Variants in FRMD3 observed in about 807,000 individuals in gnomAD.
FRMD3 encodes FERM domain containing 3.
Under a neutral mutation model 70.2 loss-of-function variants are expected in FRMD3, and 33 were observed. The ratio of observed to expected loss-of-function variants is 0.47; its 90% CI spans 0.36 to 0.63. The LOEUF (loss-of-function observed/expected upper bound fraction) is 0.63, where lower values mean the gene tolerates loss of function less well. Ranked by LOEUF, FRMD3 falls within the 20% of genes least tolerant of loss-of-function variation. FRMD3 has a pLI of 0.00. For synonymous variants in FRMD3, 279 were observed against 255.9 expected (o/e 1.09, Z -0.86); for missense variants, 632 against 711.4 (o/e 0.89, Z 1.27).
At position 83,245,813 on chromosome 9, in the gene FRMD3, C is replaced by A; in HGVS notation, c.*2105G>T. On this transcript the variant is annotated 3_prime_UTR_variant, in exon 14 of 14. Transcript: ENST00000304195. ...ATGTCAGAAAGGATGACTTAGAAGT[C>A]GTATGAGAAAAGAAGGAGAAAAACA... 5 of 985,076 alleles carry A rather than the reference C, an allele frequency of 5.1e-6. No homozygotes were observed. Among genetic ancestry groups the A allele is most frequent in the Non-Finnish European group, 6.0e-6 (5 of 829,780 alleles). The allele number at this position is 985,076 out of a possible 1,614,324, so 61.0% of individuals were successfully genotyped here.
At chr9:83,487,209 G>A (rs1180927148) in intron 1 of FRMD3, among the ~76,000 whole-genome samples, 3 of 152,154 alleles carry the variant, frequency 2.0e-5, no homozygotes, top group Non-Finnish European at 2.9e-5. Flanking sequence ...AAACCTGTGT[G>A]GGAAAAATAC....
intron 6 of FRMD3, among the ~76,000 whole-genome samples, chr9:83,314,364 CTA>C (rs1285059657): frequency 6.6e-6 from 1 of 152,196 alleles, no homozygotes; most frequent in Non-Finnish European, 1.5e-5. Context: ...TAAAGAAAGA[CTA>C]TGCAACATTT....
intron 1 of FRMD3, among the ~76,000 whole-genome samples, chr9:83,486,454 T>C (rs1403580540): frequency 6.6e-6 from 1 of 152,170 alleles, no homozygotes; most frequent in Non-Finnish European, 1.5e-5. Context: ...GCCCATCACA[T>C]CAGTTTATGT....
intron 1 of FRMD3, among the ~76,000 whole-genome samples, chr9:83,426,384 C>A (rs1826812017): frequency 6.6e-6 from 1 of 152,240 alleles, no homozygotes; most frequent in Non-Finnish European, 1.5e-5. Flanking sequence ...GGCACAATTC[C>A]TGTTCTCAAG....
chr9:83,511,880 C>A (rs1455294174), intron 1 of FRMD3, among the ~76,000 whole-genome samples: 1 of 152,190 alleles, frequency 6.6e-6, no homozygotes, highest in African/African-American at 2.4e-5. Flanking sequence ...CCCGACTGTC[C>A]AGCACTCACC....
chr9:83,303,871 T>A (rs1477731397), intron 10 of FRMD3, among the ~76,000 whole-genome samples: 1 of 152,204 alleles, frequency 6.6e-6, no homozygotes, highest in East Asian at 1.9e-4. Context: ...GTCACTGCAA[T>A]GGGTATTGGC....
intron 1 of FRMD3, among the ~76,000 whole-genome samples, chr9:83,409,099 G>T (rs937515323): frequency 6.6e-6 from 1 of 152,172 alleles, no homozygotes; most frequent in Admixed American, 6.5e-5. Flanking sequence ...GAAAGCAAAG[G>T]TTGTCCATCC....
chr9:83,451,339 A>T (rs1166546142), intron 1 of FRMD3, among the ~76,000 whole-genome samples: 2 of 151,140 alleles, frequency 1.3e-5, no homozygotes, highest in Non-Finnish European at 3.0e-5. Context: ...TAGAAATGTT[A>T]AACTGCCCCA....
chr9:83,478,895 T>C (rs534347428), intron 1 of FRMD3, among the ~76,000 whole-genome samples: 1 of 152,294 alleles, frequency 6.6e-6, no homozygotes, highest in Admixed American at 6.5e-5. Flanking sequence ...GCATATTATG[T>C]TGTAATTATT....
chr9:83,415,493 A>C (rs1462188984), intron 1 of FRMD3, among the ~76,000 whole-genome samples: 1 of 138,466 alleles, frequency 7.2e-6, no homozygotes, highest in Non-Finnish European at 1.5e-5. Flanking sequence ...CCCAGGCTGG[A>C]GTGCAGTGGC....
At chr9:83,339,421 G>T (rs952577644) in intron 5 of FRMD3, among the ~76,000 whole-genome samples, 5 of 152,156 alleles carry the variant, frequency 3.3e-5, no homozygotes, top group Non-Finnish European at 7.4e-5. Flanking sequence ...TACAACTGGA[G>T]GCCCTGCGGT....
At chr9:83,487,617 G>C (rs1343174930) in intron 1 of FRMD3, among the ~76,000 whole-genome samples, 1 of 152,226 alleles carries the variant, frequency 6.6e-6, no homozygotes, top group African/African-American at 2.4e-5. Context: ...GCCCTAGCCA[G>C]TTCCTGGGGA....
At chr9:83,533,522 T>C (rs1377236685) in intron 1 of FRMD3, among the ~76,000 whole-genome samples, 1 of 152,154 alleles carries the variant, frequency 6.6e-6, no homozygotes, top group Non-Finnish European at 1.5e-5. Context: ...ACACAGCTGG[T>C]TGGTAACATA....
At chr9:83,264,945 C>T (rs982121903) in intron 13 of FRMD3, among the ~76,000 whole-genome samples, 2 of 151,932 alleles carry the variant, frequency 1.3e-5, no homozygotes, top group African/African-American at 4.8e-5. Flanking sequence ...CAGTTATTAT[C>T]AGCAATTTCA....
intron 1 of FRMD3, among the ~76,000 whole-genome samples, chr9:83,415,920 T>A (rs924542301): frequency 2.6e-5 from 4 of 152,300 alleles, no homozygotes; most frequent in Non-Finnish European, 5.9e-5. Context: ...CTGACTCCTG[T>A]CCAAAAGTGA....
intron 11 of FRMD3, 27 bp downstream of exon 11, chr9:83,299,085 C>T (rs768069610): frequency 2.6e-6 from 4 of 1,517,992 alleles, no homozygotes; most frequent in South Asian, 1.1e-5. Flanking sequence ...CCCACCCCCT[C>T]ACTGAAATGG....
intron 13 of FRMD3, among the ~76,000 whole-genome samples, chr9:83,250,160 G>A (rs908268308): frequency 6.6e-6 from 1 of 152,096 alleles, no homozygotes; most frequent in Non-Finnish European, 1.5e-5. Flanking sequence ...GCAGAAGAGG[G>A]GGTGATGGCC....
At chr9:83,447,892 G>C (rs1382973663) in intron 1 of FRMD3, among the ~76,000 whole-genome samples, 1 of 152,170 alleles carries the variant, frequency 6.6e-6, no homozygotes, top group African/African-American at 2.4e-5. Flanking sequence ...AAGAGACCCA[G>C]TTCACAGGAT....
upstream of FRMD3, among the ~76,000 whole-genome samples, chr9:83,541,764 G>T (rs557699402): frequency 5.6e-4 from 85 of 152,220 alleles, 2 homozygotes; most frequent in Admixed American, 2.4e-3. Flanking sequence ...ACTTCAGAAT[G>T]GTGTGACTCA....
Sources: gnomAD v4.1 joint callset for allele counts (sites outside exome capture counted in the v4.1 genomes callset) on GRCh38, gnomAD v4.1.1 for gene constraint, MANE v1.5 for transcripts, NCBI Gene and HGNC (gene_info 2026-07-23, HGNC 2026-07-21) for gene names.